Variants in CCDC171 observed in about 807,000 individuals in gnomAD.
The protein encoded by CCDC171 is coiled-coil domain-containing protein 171.
Under a neutral mutation model 168.2 loss-of-function variants are expected in CCDC171, and 177 were observed. The ratio of observed to expected loss-of-function variants is 1.05; its 90% confidence interval spans 0.93 to 1.19. The LOEUF is 1.19. Ranked by LOEUF, CCDC171 falls within the 50% of genes most tolerant of loss-of-function variation. The pLI is 0.00. For missense variants in CCDC171, 1,991 were observed against 1,539.0 expected (o/e 1.29, Z -4.91); for synonymous variants, 687 against 540.8 (o/e 1.27, Z -3.75).
chr9:15,579,016 A>AC lies in CCDC171; in HGVS notation c.346dup (p.Leu116ProfsTer14). On this transcript the variant is annotated frameshift_variant, in exon 4 of 26. Coordinates refer to ENST00000380701, the MANE Select transcript of CCDC171 (RefSeq NM_173550.4). LOFTEE classifies it high-confidence loss of function. ...CCGAGGCACATAGGATCCAAGAAAA[A>AC]CTCTGTGGTAAGACTGTTTCTATTT... The AC allele has an allele frequency of 1.9e-6, 3 of 1,611,938 alleles. No homozygotes were observed. Among genetic ancestry groups the AC allele is most frequent in the Non-Finnish European group, 2.5e-6 (3 of 1,179,064 alleles).
chr9:15,574,970 A>G (rs1420370133), intron 3 of CCDC171, among the ~76,000 whole-genome samples: 3 of 152,142 alleles, frequency 2.0e-5, no homozygotes, highest in Non-Finnish European at 4.4e-5. Flanking sequence ...GCATTGATGT[A>G]GGTGATTGGG....
rs561284224 is a variant in CCDC171 at position 15,752,287 on chromosome 9, C to T, written c.2671+6656C>T. Among the ~76,000 whole-genome samples the T allele has an allele frequency of 1.1e-4, 16 of 152,240 alleles. 1 individual carries two copies. The South Asian group carries it at 1.9e-3, about 18-fold the overall frequency. ...TGGAGAGGATGTGGAGAAATAGGTA[C>T]GCTGTTACACTGTTGGTGGGAGTGT... On this transcript the variant is annotated intron_variant, in intron 18 of 25. Coordinates refer to ENST00000380701, the MANE Select transcript of CCDC171 (RefSeq NM_173550.4).
intron 24 of CCDC171, chr9:15,875,334 G>C (rs186438567): frequency 6.6e-6 from 1 of 151,390 alleles, no homozygotes; most frequent in Non-Finnish European, 1.5e-5. Flanking sequence ...ATTCATTTTC[G>C]GATGCTGTAG....
chr9:16,055,238 G>A (rs1195644126), intron 1 of CCDC171, among the ~76,000 whole-genome samples: 1 of 152,070 alleles, frequency 6.6e-6, no homozygotes, highest in Admixed American at 6.6e-5. Context: ...AGGGAGATGG[G>A]GTAAAATTAC....
At chr9:15,949,884 A>C (rs1828909597) in intron 25 of CCDC171, among the ~76,000 whole-genome samples, 1 of 152,110 alleles carries the variant, frequency 6.6e-6, no homozygotes, top group Admixed American at 6.6e-5. Flanking sequence ...GTCTTGTGCC[A>C]GTTTTCAAAT....
At chr9:15,783,135 C>G (rs991213370) in intron 20 of CCDC171, among the ~76,000 whole-genome samples, 3 of 152,082 alleles carry the variant, frequency 2.0e-5, no homozygotes, top group Non-Finnish European at 4.4e-5. Flanking sequence ...GGCAGGGTAC[C>G]TGGTGCCAAA....
At chr9:15,852,370 T>C (rs2061166898) in intron 23 of CCDC171, among the ~76,000 whole-genome samples, 1 of 151,802 alleles carries the variant, frequency 6.6e-6, no homozygotes, top group South Asian at 2.1e-4. Flanking sequence ...TGATTATTTG[T>C]TTGTCTTCTC....
chr9:16,089,617 C>G, the CCDC171 span, among the ~76,000 whole-genome samples: 1 of 151,912 alleles, frequency 6.6e-6, no homozygotes, highest in Non-Finnish European at 1.5e-5. Context: ...TTTCCCAACA[C>G]CATTTATTAA....
intron 1 of CCDC171, among the ~76,000 whole-genome samples, chr9:16,050,079 G>C (rs951295443): frequency 4.6e-5 from 7 of 152,144 alleles, no homozygotes; most frequent in Non-Finnish European, 1.0e-4. Flanking sequence ...TAGGGACAGA[G>C]TTTTGCCATG....
chr9:15,803,104 G>C (rs550969189), intron 21 of CCDC171, among the ~76,000 whole-genome samples: 1 of 151,966 alleles, frequency 6.6e-6, no homozygotes, highest in African/African-American at 2.4e-5. Context: ...TAACAGGGTT[G>C]GTTGGTTGGT....
chr9:15,760,603 TA>T (rs1272964701), intron 18 of CCDC171, among the ~76,000 whole-genome samples: 1 of 152,244 alleles, frequency 6.6e-6, no homozygotes, highest in Non-Finnish European at 1.5e-5. Context: ...CTAGTGTTTG[TA>T]AATGTCCTGT....
chr9:15,842,166 T>C (rs1287845129), intron 21 of CCDC171, among the ~76,000 whole-genome samples: 1 of 152,034 alleles, frequency 6.6e-6, no homozygotes, highest in Non-Finnish European at 1.5e-5. Flanking sequence ...TATACCAAAT[T>C]GAATAAGCCA....
intron 3 of CCDC171, among the ~76,000 whole-genome samples, chr9:16,019,156 A>C (rs1833100445): frequency 6.6e-6 from 1 of 152,178 alleles, no homozygotes; most frequent in Admixed American, 6.5e-5. Context: ...TGAAATTGTC[A>C]ATGGAATTGC....
intron 8 of CCDC171, among the ~76,000 whole-genome samples, chr9:15,664,487 G>C (rs1477957531): frequency 6.6e-6 from 1 of 151,420 alleles, no homozygotes; most frequent in South Asian, 2.1e-4. Context: ...GAGCTCAAAT[G>C]ATCTGCTCAC....
At chr9:15,988,664 A>C (rs898731426) in intron 3 of CCDC171, among the ~76,000 whole-genome samples, 1 of 152,202 alleles carries the variant, frequency 6.6e-6, no homozygotes, top group Non-Finnish European at 1.5e-5. Flanking sequence ...GGGCTCAGGG[A>C]ATTCCCTTTC....
chr9:15,643,594 C>G (rs958209525), intron 7 of CCDC171, among the ~76,000 whole-genome samples: 2 of 152,146 alleles, frequency 1.3e-5, no homozygotes, highest in African/African-American at 4.8e-5. Context: ...AAAACTCACC[C>G]TTTAAAAGTA....
intron 15 of CCDC171, among the ~76,000 whole-genome samples, chr9:15,728,377 C>G (rs1223274000): frequency 2.0e-5 from 3 of 152,016 alleles, no homozygotes; most frequent in Non-Finnish European, 4.4e-5. Flanking sequence ...ATTAATAAAC[C>G]AACTCTTTAT....
intron 25 of CCDC171, among the ~76,000 whole-genome samples, chr9:15,939,108 A>G (rs1827432981): frequency 6.6e-6 from 1 of 151,298 alleles, no homozygotes; most frequent in Non-Finnish European, 1.5e-5. Flanking sequence ...TTTTTGAGAA[A>G]AGAAAATGGC....
At chr9:15,999,960 A>G (rs2026660) in intron 3 of CCDC171, among the ~76,000 whole-genome samples, 7,710 of 152,258 alleles carry the variant, frequency 0.051, 416 homozygotes, top group African/African-American at 0.12. Flanking sequence ...TAGCCATCCT[A>G]TGAGATTTTT....
Sources: allele counts gnomAD v4.1 joint callset (sites outside exome capture counted in the v4.1 genomes callset), GRCh38; gene constraint gnomAD v4.1.1; transcripts MANE v1.5; gene names NCBI Gene and HGNC (gene_info 2026-07-23, HGNC 2026-07-21).